The following ESR1 variants were observed in gnomAD, a reference collection of about 807,000 sequenced individuals.
The protein encoded by ESR1 is estrogen receptor.
ESR1 carries 12 observed loss-of-function variants against 52.7 expected under a neutral mutation model. That is an observed-to-expected ratio of 0.23 (90% CI 0.15 to 0.37). The LOEUF is 0.37. Ranked by LOEUF, ESR1 falls within the 10% of genes least tolerant of loss-of-function variation. The probability of loss-of-function intolerance (pLI) is 1.00; values close to 1 mark genes in which losing one functional copy is unlikely to be tolerated. For missense variants in ESR1, 584 were observed against 779.7 expected (o/e 0.75, Z 2.99); for synonymous variants, 305 against 316.8 (o/e 0.96, Z 0.39).
chr6:151,781,818 A>G (rs903006168), intron 2 of ESR1, among the ~76,000 whole-genome samples: 17 of 152,036 alleles, frequency 1.1e-4, no homozygotes, highest in Admixed American at 2.0e-4. Context: ...AAAAAAAACT[A>G]CTTTCAGCAT....
intron 2 of ESR1, among the ~76,000 whole-genome samples, chr6:151,752,752 C>T (rs2128080820): frequency 6.6e-6 from 1 of 152,284 alleles, no homozygotes; most frequent in South Asian, 2.1e-4. Flanking sequence ...AAAATGCTTA[C>T]ATTCAGAAAC....
chr6:152,060,503 T>G (rs191836827), intron 5 of ESR1, among the ~76,000 whole-genome samples: 1 of 152,222 alleles, frequency 6.6e-6, no homozygotes. Context: ...CCCATAGTTA[T>G]TGTAGTTGTT....
intron 6 of ESR1, among the ~76,000 whole-genome samples, chr6:152,081,132 A>G (rs1054122953): frequency 2.6e-5 from 4 of 152,202 alleles, no homozygotes; most frequent in South Asian, 2.1e-4. Context: ...GACCCAATAG[A>G]CATCTACAGA....
Position 151,950,549 on chromosome 6 carries a change from CT to C in ESR1, c.1096+6042del, listed in dbSNP as rs1169662682. ...TCAAGTGAAGTCATTAGCACAAGCC[CT>C]AATCCAATAAGGACTGGCATTCTAA... On this transcript the variant is annotated intron_variant, in intron 4 of 7. Transcript: ENST00000206249. 5.3e-5 allele frequency among the ~76,000 whole-genome samples: 8 copies of C among 152,232 alleles called. No individual in the cohort carries two copies. In the East Asian group the frequency reaches 1.5e-3, roughly 29 times the overall value.
intron 2 of ESR1, among the ~76,000 whole-genome samples, chr6:151,731,942 G>A (rs1378616244): frequency 6.6e-6 from 1 of 152,180 alleles, no homozygotes; most frequent in Admixed American, 6.5e-5. Flanking sequence ...CCACTGTGAA[G>A]TAGAAGACAA....
intron 4 of ESR1, among the ~76,000 whole-genome samples, chr6:152,005,346 G>T (rs2042249614): frequency 6.6e-6 from 1 of 151,906 alleles, no homozygotes; most frequent in Admixed American, 6.6e-5. Context: ...AGGGCTATTT[G>T]AGGTCCAGGA....
chr6:151,780,762 T>A (rs958904528), intron 2 of ESR1, among the ~76,000 whole-genome samples: 25 of 152,208 alleles, frequency 1.6e-4, no homozygotes, highest in African/African-American at 5.1e-4. Flanking sequence ...CAGGAGAGCA[T>A]TTGGTGTCAA....
intron 3 of ESR1, among the ~76,000 whole-genome samples, chr6:151,896,142 T>C (rs1795466042): frequency 6.6e-6 from 1 of 152,172 alleles, no homozygotes; most frequent in Non-Finnish European, 1.5e-5. Flanking sequence ...GCCTGTAGGT[T>C]TCTTTTTTTG....
intron 2 of ESR1, among the ~76,000 whole-genome samples, chr6:151,737,667 C>G (rs915945627): frequency 1.3e-5 from 2 of 152,094 alleles, no homozygotes; most frequent in Admixed American, 1.3e-4. Context: ...CAGGAGGCGA[C>G]CACTGTTACC....
At chr6:152,005,389 A>G (rs886552452) in intron 4 of ESR1, among the ~76,000 whole-genome samples, 3 of 151,966 alleles carry the variant, frequency 2.0e-5, no homozygotes, top group African/African-American at 7.2e-5. Flanking sequence ...GGTTATTTTT[A>G]TATATAAATG....
chr6:151,983,357 T>C (rs1453511444), intron 4 of ESR1: 1 of 152,140 alleles, frequency 6.6e-6, no homozygotes, highest in African/African-American at 2.4e-5. Flanking sequence ...TGAACATGAA[T>C]TATGGGAGGT....
intron 4 of ESR1, among the ~76,000 whole-genome samples, chr6:151,953,132 G>T (rs2036504379): frequency 6.6e-6 from 1 of 152,164 alleles, no homozygotes; most frequent in Non-Finnish European, 1.5e-5. Flanking sequence ...GCATGTGGCT[G>T]ACTTTCTGAG....
rs140130476 is a variant in ESR1, at chr6:152,083,462, G to A, written c.1370-10923G>A. On this transcript the variant is annotated intron_variant, in intron 6 of 7. Coordinates refer to ENST00000206249, the MANE Select transcript of ESR1 (RefSeq NM_000125.4). ...TTCCTTACACTGTATACAAAAATTCGCTCAAGAAGGATTAAAGACTTAAAT... is the reference window on the plus strand; with the variant it reads ...TTCCTTACACTGTATACAAAAATTCACTCAAGAAGGATTAAAGACTTAAAT... Among the ~76,000 whole-genome samples the A allele has an allele frequency of 6.8e-3, 1,035 of 152,150 alleles. 12 individuals carry two copies. Among genetic ancestry groups the A allele is most frequent in the African/African-American group, 0.023 (970 of 41,504 alleles).
At chr6:151,935,014 T>C (rs1041434130) in intron 3 of ESR1, among the ~76,000 whole-genome samples, 2 of 152,244 alleles carry the variant, frequency 1.3e-5, no homozygotes, top group African/African-American at 4.8e-5. Flanking sequence ...TATGCCATGG[T>C]AATTAAAATT....
chr6:151,851,375 A>T (rs1786674653), intron 2 of ESR1, among the ~76,000 whole-genome samples: 1 of 152,184 alleles, frequency 6.6e-6, no homozygotes, highest in African/African-American at 2.4e-5. Flanking sequence ...GTTCTGTCCC[A>T]TACTGACTGT....
chr6:151,957,518 A>C (rs1171124043), intron 4 of ESR1, among the ~76,000 whole-genome samples: 1 of 114,000 alleles, frequency 8.8e-6, no homozygotes, highest in Non-Finnish European at 2.2e-5. Flanking sequence ...AAAAACAATT[A>C]AAATTTGATT....
At chr6:151,865,615 GC>G (rs1789749009) in intron 2 of ESR1, among the ~76,000 whole-genome samples, 1 of 152,188 alleles carries the variant, frequency 6.6e-6, no homozygotes, top group Admixed American at 6.5e-5. Context: ...ACATCAAGAA[GC>G]CAGACGACAA....
upstream of ESR1, among the ~76,000 whole-genome samples, chr6:151,806,933 T>A (rs1253026551): frequency 6.6e-6 from 1 of 152,084 alleles, no homozygotes; most frequent in Admixed American, 6.5e-5. Context: ...ACATGAGAAT[T>A]CCTAATGGGA....
chr6:151,669,676 T>A (rs1777980507), intron 1 of ESR1, among the ~76,000 whole-genome samples: 1 of 152,138 alleles, frequency 6.6e-6, no homozygotes, highest in Non-Finnish European at 1.5e-5. Context: ...TTGGTAGGGC[T>A]GTTGGAAGGA....
Sources: allele counts gnomAD v4.1 joint callset (sites outside exome capture counted in the v4.1 genomes callset), GRCh38; gene constraint gnomAD v4.1.1; transcripts MANE v1.5; gene names NCBI Gene and HGNC (gene_info 2026-07-23, HGNC 2026-07-21).